PCSK2: variants seen among roughly 807,000 people sequenced by gnomAD.
The protein encoded by PCSK2 is neuroendocrine convertase 2.
A neutral mutation model predicts 69.7 loss-of-function variants in PCSK2; 14 were observed. The ratio of observed to expected loss-of-function variants is 0.20; its 90% CI spans 0.13 to 0.31. The LOEUF is 0.31. PCSK2 is among the 10% of genes least tolerant of loss of function. The probability of loss-of-function intolerance (pLI) is 1.00; values close to 1 mark genes in which losing one functional copy is unlikely to be tolerated. For synonymous variants in PCSK2, 307 were observed against 320.7 expected (o/e 0.96, Z 0.46); for missense variants, 544 against 842.5 (o/e 0.65, Z 4.39).
intron 2 of PCSK2, among the ~76,000 whole-genome samples, chr20:17,304,009 T>A (rs1989246744): frequency 6.6e-6 from 1 of 150,754 alleles, no homozygotes; most frequent in Non-Finnish European, 1.5e-5. Flanking sequence ...TACATAGCTA[T>A]ATATGGTTCT....
chr20:17,318,908 C>G (rs1989776975), intron 2 of PCSK2, among the ~76,000 whole-genome samples: 1 of 152,144 alleles, frequency 6.6e-6, no homozygotes, highest in Admixed American at 6.5e-5. Flanking sequence ...TTATTCAATT[C>G]AGCTGCAATC....
Position 17,449,526 on chromosome 20 carries a change from G to GTATA in PCSK2, c.886-4206_886-4203dup. On this transcript the variant is annotated intron_variant, in intron 8 of 11. Transcript: ENST00000262545. ...AATATACATATATATATGTATGTAT[G>GTATA]TATATATATATATGTATATTTGAGA... Among the ~76,000 whole-genome samples the GTATA allele has an allele frequency of 2.8e-4, 37 of 130,608 alleles. 1 individual carries two copies. Among genetic ancestry groups the GTATA allele is most frequent in the Non-Finnish European group, 3.7e-4 (23 of 62,316 alleles). The allele number at this position is 130,608 out of a possible 152,430, so 85.7% of individuals were successfully genotyped here. A position where few individuals can be genotyped will look rare whatever the true frequency, so the allele number is the denominator to read the frequency against.
intron 5 of PCSK2, among the ~76,000 whole-genome samples, chr20:17,384,612 A>G (rs1385199356): frequency 6.6e-6 from 1 of 151,634 alleles, no homozygotes; most frequent in African/African-American, 2.4e-5. Context: ...CAATCAATCA[A>G]TCAACAATTT....
At chr20:17,303,766 G>A (rs1215153126) in intron 2 of PCSK2, among the ~76,000 whole-genome samples, 1 of 146,802 alleles carries the variant, frequency 6.8e-6, no homozygotes, top group Non-Finnish European at 1.5e-5. Context: ...TAGTTGAGGG[G>A]AGTTTTCGCC....
intron 2 of PCSK2, among the ~76,000 whole-genome samples, chr20:17,334,950 G>A (rs187517251): frequency 3.9e-5 from 6 of 152,284 alleles, no homozygotes; most frequent in African/African-American, 7.2e-5. Flanking sequence ...GTGTAAAACC[G>A]GCAACTCAGA....
chr20:17,453,323 A>G lies in PCSK2; in HGVS notation c.886-419A>G, dbSNP rs2032860302. On this transcript the variant is annotated intron_variant, in intron 8 of 11. Transcript: ENST00000262545. This position sits in a 1 kb window ranked among gnomAD's most constrained non-coding sequence, Gnocchi z 4.0. Reference sequence around the variant, plus strand: ...ATGTCCATATACTTGCATTTTCACTAAAAAATGTCTGATACATAAAGAGAT... The same window carrying G: ...ATGTCCATATACTTGCATTTTCACTGAAAAATGTCTGATACATAAAGAGAT... 6.6e-6 allele frequency among the ~76,000 whole-genome samples: 1 copy of G among 152,192 alleles called. No individual in the cohort carries two copies. The highest frequency in any genetic ancestry group is 2.4e-5 in the African/African-American group (1 of 41,434).
At chr20:17,324,395 T>C (rs1989976115) in intron 2 of PCSK2, among the ~76,000 whole-genome samples, 1 of 152,164 alleles carries the variant, frequency 6.6e-6, no homozygotes, top group African/African-American at 2.4e-5. Context: ...TACCTACCTA[T>C]TCTTATCAGG....
At chr20:17,391,144 T>C (rs1388385588) in intron 5 of PCSK2, among the ~76,000 whole-genome samples, 1 of 152,194 alleles carries the variant, frequency 6.6e-6, no homozygotes, top group Non-Finnish European at 1.5e-5. Context: ...AAGTAGTACA[T>C]GCAATATTAA....
intron 1 of PCSK2, among the ~76,000 whole-genome samples, chr20:17,257,160 CAT>C (rs1473441678): frequency 6.6e-5 from 10 of 152,040 alleles, no homozygotes; most frequent in Non-Finnish European, 1.3e-4. Context: ...GGCCAACAAA[CAT>C]ATGAAAAAAA....
At chr20:17,375,871 A>G (rs1203385454) in intron 5 of PCSK2, among the ~76,000 whole-genome samples, 1 of 152,218 alleles carries the variant, frequency 6.6e-6, no homozygotes, top group Non-Finnish European at 1.5e-5. Flanking sequence ...CCTAGACCAC[A>G]GCTTCTGCCA....
intron 2 of PCSK2, among the ~76,000 whole-genome samples, chr20:17,308,756 T>A (rs1234657038): frequency 1.3e-5 from 2 of 152,208 alleles, no homozygotes; most frequent in Non-Finnish European, 2.9e-5. Context: ...AGCCAGGACC[T>A]CTAGCATTTC....
intron 1 of PCSK2, among the ~76,000 whole-genome samples, chr20:17,239,063 T>C (rs544722216): frequency 2.4e-4 from 36 of 152,352 alleles, no homozygotes; most frequent in Admixed American, 1.2e-3. Flanking sequence ...ACATCCTATT[T>C]AGTGCCTGTG....
At chr20:17,479,796 CAAAAAAAAAAAA>C (rs5840770) in intron 11 of PCSK2, among the ~76,000 whole-genome samples, 4 of 89,784 alleles carry the variant, frequency 4.5e-5, no homozygotes, top group Admixed American at 1.4e-4. Flanking sequence ...GACTCCGTCT[CAAAAAAAAAAAA>C]AAAAAAAAAA....
intron 1 of PCSK2, among the ~76,000 whole-genome samples, chr20:17,249,838 G>T (rs946638223): frequency 2.6e-5 from 4 of 151,850 alleles, no homozygotes; most frequent in African/African-American, 9.7e-5. Flanking sequence ...TCCAGGGCTG[G>T]GGGGGGAATG....
chr20:17,430,910 C>T (rs1211669753), intron 7 of PCSK2, among the ~76,000 whole-genome samples: 2 of 152,210 alleles, frequency 1.3e-5, no homozygotes, highest in Non-Finnish European at 2.9e-5. Context: ...GGGGAGCTCA[C>T]AGCTTTCTGG....
At chr20:17,465,760 C>G (rs975463120) in intron 11 of PCSK2, among the ~76,000 whole-genome samples, 1 of 152,150 alleles carries the variant, frequency 6.6e-6, no homozygotes, top group South Asian at 2.1e-4. Flanking sequence ...CCTTGAACTT[C>G]TGGTCTCAAT....
intron 1 of PCSK2, among the ~76,000 whole-genome samples, chr20:17,246,984 A>C (rs935963427): frequency 2.0e-5 from 3 of 152,200 alleles, no homozygotes; most frequent in Non-Finnish European, 4.4e-5. Context: ...CTTTAGAATT[A>C]TCACTGAGAT....
At chr20:17,274,068 G>C (rs1987966097) in intron 2 of PCSK2, among the ~76,000 whole-genome samples, 1 of 152,152 alleles carries the variant, frequency 6.6e-6, no homozygotes, top group Non-Finnish European at 1.5e-5. Flanking sequence ...TCAGGAAGGA[G>C]AGACAAACTG....
intron 2 of PCSK2, among the ~76,000 whole-genome samples, chr20:17,353,111 A>T (rs6080653): frequency 0.67 from 101,116 of 152,034 alleles, 33,939 homozygotes; most frequent in African/African-American, 0.72. Flanking sequence ...ATTGCAGAAA[A>T]GCAAATCAAA....
Sources: gnomAD v4.1 joint callset for allele counts (sites outside exome capture counted in the v4.1 genomes callset) on GRCh38, gnomAD v4.1.1 for gene constraint, Gnocchi (gnomAD v3.1) non-coding constraint, MANE v1.5 for transcripts, NCBI Gene and HGNC (gene_info 2026-07-23, HGNC 2026-07-21) for gene names.